Variants in PAX5 observed in about 807,000 individuals in gnomAD.
The protein encoded by PAX5 is paired box 5, also known as paired box protein Pax-5.
A neutral mutation model predicts 43.7 loss-of-function variants in PAX5; 9 were observed. That is an observed-to-expected ratio of 0.21 (90% CI 0.12 to 0.36). The LOEUF is 0.36. PAX5 is among the 10% of genes least tolerant of loss of function. The probability of loss-of-function intolerance (pLI) is 1.00; values close to 1 mark genes in which losing one functional copy is unlikely to be tolerated. For missense variants in PAX5, 383 were observed against 532.7 expected (o/e 0.72, Z 2.77); for synonymous variants, 228 against 214.3 (o/e 1.06, Z -0.56).
At chr9:36,859,051 A>ATTACT (rs1317253797) in intron 8 of PAX5, among the ~76,000 whole-genome samples, 2 of 152,120 alleles carry the variant, frequency 1.3e-5, no homozygotes, top group Non-Finnish European at 1.5e-5. Context: ...TACCTCCACA[A>ATTACT]TTACTACCAG....
intron 5 of PAX5, among the ~76,000 whole-genome samples, chr9:36,983,945 CA>C (rs199530310): frequency 0.017 from 2,543 of 152,226 alleles, 64 homozygotes; most frequent in African/African-American, 0.059. Flanking sequence ...AGACAAGTAC[CA>C]AAAACAACTG....
At chr9:36,964,259 C>T (rs1041430138) in intron 6 of PAX5, among the ~76,000 whole-genome samples, 6 of 150,398 alleles carry the variant, frequency 4.0e-5, no homozygotes, top group East Asian at 2.0e-4. Context: ...CCAGCCTGGG[C>T]GACACAACAA....
chr9:36,950,743 T>C (rs10814483), intron 6 of PAX5, among the ~76,000 whole-genome samples: 77 of 91,646 alleles, frequency 8.4e-4, no homozygotes, highest in East Asian at 1.9e-3. Context: ...TTCTTTTTTT[T>C]TTTTTTTTTT....
chr9:36,990,154 C>CT (rs1836800337), intron 5 of PAX5, among the ~76,000 whole-genome samples: 1 of 152,100 alleles, frequency 6.6e-6, no homozygotes, highest in Non-Finnish European at 1.5e-5. Flanking sequence ...AAAAGGCACT[C>CT]TTTATTGAGC....
chr9:36,869,874 A>ATGG (rs1825271562), intron 8 of PAX5, among the ~76,000 whole-genome samples: 4 of 30,754 alleles, frequency 1.3e-4, no homozygotes, highest in African/African-American at 1.8e-4. Context: ...ATGGATGGAT[A>ATGG]AATGGATGGA....
At chr9:36,952,462 C>T (rs145104401) in intron 6 of PAX5, among the ~76,000 whole-genome samples, 465 of 151,968 alleles carry the variant, frequency 3.1e-3, no homozygotes, top group African/African-American at 0.011. Flanking sequence ...ATGTTTAGAC[C>T]ATTCACATTC....
intron 6 of PAX5, 69 bp from the exon 7 acceptor site, chr9:36,923,553 G>T: frequency 6.5e-7 from 1 of 1,532,462 alleles, no homozygotes; most frequent in East Asian, 2.3e-5. Flanking sequence ...CCAACTCCAC[G>T]TTCTGAGCTC....
At chr9:36,857,431 G>A (rs775574757) in intron 8 of PAX5, among the ~76,000 whole-genome samples, 40 of 152,168 alleles carry the variant, frequency 2.6e-4, no homozygotes, top group Non-Finnish European at 4.7e-4. Context: ...AGTGAAATGC[G>A]CCTAGGCTTC....
At chr9:36,975,970 G>C (rs1218671622) in intron 5 of PAX5, among the ~76,000 whole-genome samples, 1 of 152,214 alleles carries the variant, frequency 6.6e-6, no homozygotes, top group Admixed American at 6.5e-5. Context: ...AGGAAGGCTT[G>C]AGGGCTTGCA....
intron 2 of PAX5, among the ~76,000 whole-genome samples, chr9:37,019,459 G>T (rs1202345683): frequency 6.6e-6 from 1 of 152,160 alleles, no homozygotes; most frequent in Admixed American, 6.5e-5. Context: ...CAAAGGAGCT[G>T]CCAGACCCCT....
chr9:36,921,511 C>T (rs1830168597), intron 7 of PAX5, among the ~76,000 whole-genome samples: 1 of 152,204 alleles, frequency 6.6e-6, no homozygotes, highest in South Asian at 2.1e-4. Context: ...CACTGCTCAC[C>T]AGCTGTGATC....
chr9:37,017,525 A>G (rs543019450), intron 2 of PAX5, among the ~76,000 whole-genome samples: 2 of 152,238 alleles, frequency 1.3e-5, no homozygotes, highest in African/African-American at 2.4e-5. Flanking sequence ...CACTCACTCA[A>G]TTGATAGTCA....
At chr9:37,030,897 T>C (rs1469662720) in intron 1 of PAX5, among the ~76,000 whole-genome samples, 2 of 152,248 alleles carry the variant, frequency 1.3e-5, no homozygotes, top group African/African-American at 4.8e-5. Context: ...CCAATAGGGC[T>C]CAGACTGGTT....
At chr9:36,985,485 C>T (rs936142316) in intron 5 of PAX5, among the ~76,000 whole-genome samples, 1 of 152,190 alleles carries the variant, frequency 6.6e-6, no homozygotes, top group Admixed American at 6.5e-5. Context: ...ACTACTTCCA[C>T]GTGTGTGCCA....
In PAX5 at chr9:36,850,525, C is replaced by A. The variant is rs1019758296; in HGVS notation, c.1013-3596G>T. Reference sequence around the variant, plus strand: ...CCCAAGACAAAGTTCCCACAATGAACCCCTTTCAGATGACCGTGCCCAGCA... The same window carrying A: ...CCCAAGACAAAGTTCCCACAATGAAACCCTTTCAGATGACCGTGCCCAGCA... On this transcript the variant is annotated intron_variant, in intron 8 of 9. Transcript: ENST00000358127. Among the ~76,000 whole-genome samples, 9 of 152,228 alleles carry A rather than the reference C, an allele frequency of 5.9e-5. No homozygotes were observed. In the East Asian group the frequency reaches 9.6e-4, roughly 16 times the overall value.
At chr9:37,018,487 CA>C (rs1168114307) in intron 2 of PAX5, among the ~76,000 whole-genome samples, 1 of 138,870 alleles carries the variant, frequency 7.2e-6, no homozygotes, top group African/African-American at 2.6e-5. Flanking sequence ...CCTTGCCACA[CA>C]CTCTGGAAAC....
chr9:37,006,897 A>C (rs996790833), intron 3 of PAX5, among the ~76,000 whole-genome samples: 19 of 152,170 alleles, frequency 1.2e-4, no homozygotes, highest in African/African-American at 4.6e-4. Context: ...TCATTGAGTG[A>C]CTTTAGGGAG....
chr9:36,868,591 G>A (rs142637411), intron 8 of PAX5, among the ~76,000 whole-genome samples: 160 of 152,256 alleles, frequency 1.1e-3, no homozygotes, highest in African/African-American at 3.7e-3. Context: ...TGTGAGCTCC[G>A]TAGCATCCCA....
intron 6 of PAX5, among the ~76,000 whole-genome samples, chr9:36,961,606 T>C (rs969513147): frequency 6.6e-6 from 1 of 152,262 alleles, no homozygotes; most frequent in African/African-American, 2.4e-5. Context: ...TGAGCTTTTA[T>C]GGGCTTTAGT....
Sources: gnomAD v4.1 joint callset for allele counts (sites outside exome capture counted in the v4.1 genomes callset) on GRCh38, gnomAD v4.1.1 for gene constraint, MANE v1.5 for transcripts, NCBI Gene and HGNC (gene_info 2026-07-23, HGNC 2026-07-21) for gene names.